EDIL3: variants seen among roughly 807,000 people sequenced by gnomAD.
The protein encoded by EDIL3 is EGF-like repeat and discoidin I-like domain-containing protein 3.
In EDIL3, 37 loss-of-function variants were observed where a neutral mutation model predicts 67.4. The observed-to-expected ratio is 0.55, with a 90% confidence interval of 0.42 to 0.72. The LOEUF (loss-of-function observed/expected upper bound fraction) is 0.72. Among genes scored for constraint, EDIL3 ranks in the 30% least tolerant of loss-of-function variants. The pLI is 0.00. For synonymous variants in EDIL3, 195 were observed against 196.3 expected (o/e 0.99, Z 0.05); for missense variants, 527 against 586.3 (o/e 0.90, Z 1.04).
chr5:84,186,713 A>G (rs1394609905), intron 3 of EDIL3, among the ~76,000 whole-genome samples: 1 of 152,084 alleles, frequency 6.6e-6, no homozygotes, highest in African/African-American at 2.4e-5. Context: ...AGTTTCTATA[A>G]CATACCAGCA....
chr5:84,278,721 C>T (rs1017541926), intron 1 of EDIL3, among the ~76,000 whole-genome samples: 26 of 152,132 alleles, frequency 1.7e-4, no homozygotes, highest in Non-Finnish European at 2.9e-5. Flanking sequence ...CAATGCATAA[C>T]ACATTTACCC....
At chr5:84,112,301 C>T (rs1035571564) in intron 5 of EDIL3, among the ~76,000 whole-genome samples, 4 of 151,972 alleles carry the variant, frequency 2.6e-5, no homozygotes, top group East Asian at 3.9e-4. Context: ...TAATGCAGAT[C>T]TGAAAGAGGG....
At chr5:84,275,869 T>C (rs892719344) in intron 1 of EDIL3, among the ~76,000 whole-genome samples, 3 of 152,254 alleles carry the variant, frequency 2.0e-5, no homozygotes, top group African/African-American at 7.2e-5. Context: ...AAAGTAATTG[T>C]TGAGCATCAA....
chr5:84,133,796 TAATAAATA>T (rs531324945), intron 5 of EDIL3, among the ~76,000 whole-genome samples: 2 of 151,884 alleles, frequency 1.3e-5, no homozygotes, highest in Non-Finnish European at 2.9e-5. Flanking sequence ...CCAAACCTTG[TAATAAATA>T]AATAAATAAA....
chr5:84,275,028 CTT>C (rs1045644831), intron 1 of EDIL3, among the ~76,000 whole-genome samples: 7 of 152,098 alleles, frequency 4.6e-5, no homozygotes, highest in Non-Finnish European at 7.4e-5. Context: ...ATTCTTTGCT[CTT>C]TAAATGTTTA....
chr5:84,106,839 A>G lies in EDIL3; in HGVS notation c.470-9T>C. The stretch of plus-strand genomic sequence containing the variant: ...CAGTGGGCCTGAGCATTCTGGAAAC[A>G]AAAACAGGAAAAAATATGAATGTAT... On this transcript the variant is annotated splice_polypyrimidine_tract_variant and intron_variant, in intron 5 of 10. Coordinates refer to ENST00000296591, the MANE Select transcript of EDIL3 (RefSeq NM_005711.5). 1 of 1,586,002 alleles carries G rather than the reference A, an allele frequency of 6.3e-7. No individual in the cohort carries two copies. Among genetic ancestry groups the G allele is most frequent in the African/African-American group, 1.4e-5 (1 of 73,310 alleles).
intron 1 of EDIL3, among the ~76,000 whole-genome samples, chr5:84,352,578 G>T (rs1337887629): frequency 6.6e-6 from 1 of 152,080 alleles, no homozygotes; most frequent in African/African-American, 2.4e-5. Flanking sequence ...TCACTTGGGA[G>T]CTAAACAATG....
chr5:84,056,565 A>T (rs1213618885), intron 9 of EDIL3, among the ~76,000 whole-genome samples: 3 of 152,166 alleles, frequency 2.0e-5, no homozygotes, highest in Non-Finnish European at 4.4e-5. Context: ...ACAATTAGGC[A>T]TGAGGGTATT....
At chr5:84,052,519 G>T (rs926770404) in intron 9 of EDIL3, among the ~76,000 whole-genome samples, 24 of 152,134 alleles carry the variant, frequency 1.6e-4, no homozygotes, top group Non-Finnish European at 2.9e-4. Context: ...CTGGCAAATT[G>T]GATAAAGAGT....
intron 6 of EDIL3, among the ~76,000 whole-genome samples, chr5:84,104,856 A>G (rs1434359623): frequency 6.6e-6 from 1 of 152,074 alleles, no homozygotes; most frequent in Non-Finnish European, 1.5e-5. Context: ...GAACAATCGG[A>G]TATGAAACAT....
At chr5:84,044,788 C>A (rs551668309) in intron 9 of EDIL3, among the ~76,000 whole-genome samples, 4 of 152,110 alleles carry the variant, frequency 2.6e-5, no homozygotes, top group Admixed American at 1.3e-4. Context: ...AGCCAGAAGT[C>A]GAAGTGGCAG....
At chr5:84,147,835 A>G (rs1748315972) in intron 4 of EDIL3, among the ~76,000 whole-genome samples, 1 of 152,114 alleles carries the variant, frequency 6.6e-6, no homozygotes, top group Non-Finnish European at 1.5e-5. Flanking sequence ...GTTATACAGA[A>G]AGATAATTTT....
chr5:84,287,933 T>C (rs1745841723), intron 1 of EDIL3, among the ~76,000 whole-genome samples: 1 of 152,118 alleles, frequency 6.6e-6, no homozygotes, highest in South Asian at 2.1e-4. Flanking sequence ...TCATTCCCTT[T>C]GTAACTTCAA....
At chr5:84,248,752 T>C (rs1440798512) in intron 2 of EDIL3, among the ~76,000 whole-genome samples, 3 of 152,030 alleles carry the variant, frequency 2.0e-5, no homozygotes, top group Non-Finnish European at 4.4e-5. Flanking sequence ...CTTTCTTTAC[T>C]CTTAGTTTCT....
chr5:83,983,875 G>A (rs771722468), intron 9 of EDIL3, among the ~76,000 whole-genome samples: 4 of 151,622 alleles, frequency 2.6e-5, no homozygotes, highest in Non-Finnish European at 5.9e-5. Flanking sequence ...GGATAGATAA[G>A]GATCTAGGGG....
intron 4 of EDIL3, among the ~76,000 whole-genome samples, chr5:84,143,664 A>G (rs1314499737): frequency 6.6e-6 from 1 of 152,062 alleles, no homozygotes; most frequent in African/African-American, 2.4e-5. Context: ...ATTCCAAGGG[A>G]TATAAAAGCC....
intron 5 of EDIL3, 127 bp from the exon 6 acceptor site, chr5:84,106,957 T>C (rs1370503768): frequency 5.0e-6 from 5 of 1,003,234 alleles, no homozygotes; most frequent in Non-Finnish European, 7.2e-6. Flanking sequence ...TTACTCTTCA[T>C]CCCCTTTACA....
chr5:83,980,181 C>T (rs1266417897), intron 9 of EDIL3, among the ~76,000 whole-genome samples: 2 of 151,558 alleles, frequency 1.3e-5, no homozygotes, highest in African/African-American at 2.4e-5. Flanking sequence ...TTTAGTTCTG[C>T]GTTCTTGCTG....
intron 1 of EDIL3, among the ~76,000 whole-genome samples, chr5:84,342,380 T>C (rs769502945): frequency 9.9e-5 from 15 of 151,976 alleles, no homozygotes; most frequent in African/African-American, 3.4e-4. Context: ...ACCAACCTAA[T>C]AGAATTTAGA....
Sources: gnomAD v4.1 joint callset for allele counts (sites outside exome capture counted in the v4.1 genomes callset) on GRCh38, gnomAD v4.1.1 for gene constraint, MANE v1.5 for transcripts, NCBI Gene and HGNC (gene_info 2026-07-23, HGNC 2026-07-21) for gene names.